Variants in SUCLG2 observed in about 807,000 individuals in gnomAD.
SUCLG2 encodes the protein succinate-CoA ligase GDP-forming subunit beta.
SUCLG2 carries 42 observed loss-of-function variants against 47.9 expected under a neutral mutation model. The ratio of observed to expected loss-of-function variants is 0.88; its 90% CI spans 0.69 to 1.14. The LOEUF (loss-of-function observed/expected upper bound fraction) is 1.14. Among genes scored for constraint, SUCLG2 ranks in the 50% most tolerant of loss-of-function variants. The pLI, the probability that SUCLG2 is intolerant of heterozygous loss-of-function variation, is 0.00. For synonymous variants in SUCLG2, 195 were observed against 197.3 expected, an observed-to-expected ratio of 0.99 and a Z score of 0.10; for missense variants, 571 against 525.9, an observed-to-expected ratio of 1.09 and a Z score of -0.84.
Position 67,529,185 on chromosome 3 carries a change from A to T in SUCLG2, c.228T>A (p.Asn76Lys). The change falls in exon 3 of 11, where the codon AAT becomes AAA. Residue 76 changes from asparagine to lysine, a missense_variant and splice_region_variant. Transcript: ENST00000307227. ...GGGCTTTTAAAACAATTTCTTTTGC[A>T]TCTGAAAAAGAAAAATCCAGAGTTG... ...NEALEAAKRL[N>K]AKEIVLKAQI... 1 of 1,607,536 alleles carries T rather than the reference A, an allele frequency of 6.2e-7. No individual in the cohort carries two copies.
chr3:67,652,172 A>C (rs1435679500), intron 1 of SUCLG2, among the ~76,000 whole-genome samples: 1 of 141,804 alleles, frequency 7.1e-6, no homozygotes, highest in Non-Finnish European at 1.6e-5. Context: ...AAAAAAAAAA[A>C]AAACTTCAAT....
chr3:67,539,419 G>T (rs557833593), intron 2 of SUCLG2, among the ~76,000 whole-genome samples: 1 of 152,122 alleles, frequency 6.6e-6, no homozygotes, highest in Admixed American at 6.5e-5. Flanking sequence ...CTACTTCATC[G>T]TGGTGGATAA....
At chr3:67,436,063 A>G (rs1056081076) in intron 9 of SUCLG2, among the ~76,000 whole-genome samples, 3 of 152,236 alleles carry the variant, frequency 2.0e-5, no homozygotes, top group Non-Finnish European at 2.9e-5. Flanking sequence ...TAAAAAAATT[A>G]AGGGCAAACA....
At chr3:67,555,335 GTATATTTTATACTCA>G (rs1282457907) in intron 2 of SUCLG2, among the ~76,000 whole-genome samples, 1 of 151,966 alleles carries the variant, frequency 6.6e-6, no homozygotes, top group East Asian at 1.9e-4. Flanking sequence ...AAATGAATGT[GTATATTTTATACTCA>G]TATATATTTG....
chr3:67,389,049 GC>G (rs1429678191), intron 10 of SUCLG2, among the ~76,000 whole-genome samples: 1 of 152,132 alleles, frequency 6.6e-6, no homozygotes, highest in Non-Finnish European at 1.5e-5. Flanking sequence ...TGGCTTTGCA[GC>G]AATATGTTAC....
At chr3:67,627,503 G>T (rs1217670576) in intron 1 of SUCLG2, among the ~76,000 whole-genome samples, 2 of 152,206 alleles carry the variant, frequency 1.3e-5, no homozygotes, top group Non-Finnish European at 2.9e-5. Flanking sequence ...CATTATCAGT[G>T]ACGTGCCAGT....
intron 2 of SUCLG2, 124 bp downstream of exon 2, chr3:67,609,331 G>C: frequency 8.6e-7 from 1 of 1,161,306 alleles, no homozygotes; most frequent in Non-Finnish European, 1.2e-6. Flanking sequence ...GCAGTTCTAA[G>C]CTCTCCCCTG....
chr3:67,579,829 T>A (rs1438846938), intron 2 of SUCLG2, among the ~76,000 whole-genome samples: 1 of 152,164 alleles, frequency 6.6e-6, no homozygotes, highest in Non-Finnish European at 1.5e-5. Context: ...TTAAAAAAAT[T>A]AACTTACCTT....
intron 9 of SUCLG2, among the ~76,000 whole-genome samples, chr3:67,445,998 C>T (rs1703916803): frequency 1.3e-5 from 1 of 74,726 alleles, no homozygotes; most frequent in South Asian, 5.8e-4. Flanking sequence ...GAAGAACCAA[C>T]TTAGGCTTCT....
intron 1 of SUCLG2, among the ~76,000 whole-genome samples, chr3:67,637,704 C>G (rs1024452476): frequency 6.6e-6 from 1 of 152,174 alleles, no homozygotes; most frequent in African/African-American, 2.4e-5. Flanking sequence ...TTGACGTTTC[C>G]GTAAGTTATC....
rs1168671459 is a variant in SUCLG2, at chr3:67,444,113, G to T, written c.1063-43262C>A. On this transcript the variant is annotated intron_variant, in intron 9 of 10. Transcript: ENST00000307227. The stretch of plus-strand genomic sequence containing the variant: ...CGCGCCGTCCGGGAGGGAGGTGGGG[G>T]GGTCAGCCCCCCGCCTGGCCAGCCG... 6.4e-4 allele frequency among the ~76,000 whole-genome samples: 62 copies of T among 96,530 alleles called. 1 individual carries two copies. Among genetic ancestry groups the T allele is most frequent in the Non-Finnish European group, 9.3e-4 (41 of 44,264 alleles). 63.3% of individuals were successfully genotyped at this position (96,530 alleles called of 152,430 possible).
chr3:67,463,825 C>G (rs1029455991), intron 9 of SUCLG2, among the ~76,000 whole-genome samples: 3 of 152,192 alleles, frequency 2.0e-5, no homozygotes, highest in African/African-American at 7.2e-5. Flanking sequence ...AAGTGTCATC[C>G]TGTGAAAAGG....
At chr3:67,408,903 C>G in intron 9 of SUCLG2, 1 of 1,511,704 alleles carries the variant, frequency 6.6e-7, no homozygotes, top group Non-Finnish European at 8.8e-7. Context: ...CTGGCAGTCT[C>G]TCTATAATCA....
chr3:67,452,420 G>C (rs1051002000), intron 9 of SUCLG2, among the ~76,000 whole-genome samples: 1 of 152,146 alleles, frequency 6.6e-6, no homozygotes, highest in Non-Finnish European at 1.5e-5. Context: ...TTTGTAATTA[G>C]TGCATTGATT....
At chr3:67,497,342 A>T (rs1272759078) in intron 8 of SUCLG2, among the ~76,000 whole-genome samples, 3 of 152,176 alleles carry the variant, frequency 2.0e-5, no homozygotes, top group Non-Finnish European at 4.4e-5. Context: ...CAATGAATTG[A>T]TTCTACCAGA....
At chr3:67,479,421 T>C (rs1237588878) in intron 9 of SUCLG2, among the ~76,000 whole-genome samples, 1 of 152,244 alleles carries the variant, frequency 6.6e-6, no homozygotes, top group East Asian at 1.9e-4. Flanking sequence ...GAATCAATTT[T>C]CTTGACCAAA....
intron 2 of SUCLG2, among the ~76,000 whole-genome samples, chr3:67,603,534 T>C (rs1482666440): frequency 1.3e-5 from 2 of 152,200 alleles, no homozygotes; most frequent in Non-Finnish European, 2.9e-5. Context: ...AAGCTCCTTA[T>C]CTCCATTTTA....
intron 2 of SUCLG2, among the ~76,000 whole-genome samples, chr3:67,569,803 T>C (rs1384081201): frequency 5.3e-5 from 8 of 152,216 alleles, no homozygotes; most frequent in Admixed American, 4.6e-4. Context: ...TGATGCTAGA[T>C]GGGTTAAGAT....
intron 2 of SUCLG2, among the ~76,000 whole-genome samples, chr3:67,589,465 G>A (rs910064840): frequency 6.6e-6 from 1 of 152,184 alleles, no homozygotes; most frequent in African/African-American, 2.4e-5. Flanking sequence ...GATTGAAGTG[G>A]CCAAACAATC....
Sources: gnomAD v4.1 joint callset for allele counts (sites outside exome capture counted in the v4.1 genomes callset) on GRCh38, gnomAD v4.1.1 for gene constraint, MANE v1.5 for transcripts, NCBI Gene and HGNC (gene_info 2026-07-23, HGNC 2026-07-21) for gene names.